Variants in ZFHX3 observed in about 807,000 individuals in gnomAD.
The protein encoded by ZFHX3 is zinc finger homeobox protein 3.
In ZFHX3, 42 loss-of-function variants were observed where a neutral mutation model predicts 279.1. The observed-to-expected ratio is 0.15, with a 90% confidence interval of 0.12 to 0.19. ZFHX3 has a LOEUF of 0.19. Among genes scored for constraint, ZFHX3 ranks in the 10% least tolerant of loss-of-function variants. The probability of loss-of-function intolerance (pLI) is 1.00; values close to 1 mark genes in which losing one functional copy is unlikely to be tolerated. For synonymous variants in ZFHX3, 2,293 were observed against 1,957.8 expected (o/e 1.17, Z -4.52); for missense variants, 4,981 against 4,754.0 (o/e 1.05, Z -1.40).
chr16:73,657,577 T>G (rs2052735859), intron 2 of ZFHX3, among the ~76,000 whole-genome samples: 1 of 152,166 alleles, frequency 6.6e-6, no homozygotes, highest in African/African-American at 2.4e-5. Context: ...CCTAGTACCC[T>G]TTAGCAATCA....
intron 7 of ZFHX3, chr16:73,127,577 G>A (rs373172766): frequency 1.5e-6 from 2 of 1,304,926 alleles, no homozygotes; most frequent in Admixed American, 4.6e-5. Context: ...GGGCACTTGA[G>A]GACAGCCACT....
intron 7 of ZFHX3, among the ~76,000 whole-genome samples, chr16:73,119,793 T>C (rs966651709): frequency 6.6e-6 from 1 of 152,218 alleles, no homozygotes; most frequent in Admixed American, 6.5e-5. Context: ...AGTGGCTGGC[T>C]TCAGCCTCCT....
intron 7 of ZFHX3, among the ~76,000 whole-genome samples, chr16:72,802,264 A>G (rs2036125204): frequency 1.3e-5 from 2 of 152,056 alleles, no homozygotes; most frequent in African/African-American, 4.8e-5. Flanking sequence ...TCAAGTGTGA[A>G]TGACGGCAAA....
chr16:73,615,238 A>G (rs903007235), intron 2 of ZFHX3, among the ~76,000 whole-genome samples: 1 of 152,030 alleles, frequency 6.6e-6, no homozygotes. Context: ...AGGCAAATGA[A>G]CCATGCATGT....
chr16:73,748,597 C>A (rs1189800421), intron 1 of ZFHX3, among the ~76,000 whole-genome samples: 4 of 152,124 alleles, frequency 2.6e-5, no homozygotes, highest in African/African-American at 9.7e-5. Context: ...ACGTCTCTAC[C>A]TATACCTCTT....
rs887920447 is a variant in ZFHX3, at chr16:73,104,654, T to A, written c.-896-11056A>T. On this transcript the variant is annotated intron_variant, in intron 7 of 17. Transcript: ENST00000641206. The stretch of plus-strand genomic sequence containing the variant: ...CTGGTTCATAGTTCACAGGCTTAGC[T>A]GTACAAGCGTAATGGGAACACACAG... Among the ~76,000 whole-genome samples the A allele has an allele frequency of 3.3e-4, 51 of 152,320 alleles. 1 individual carries two copies. Among genetic ancestry groups the A allele is most frequent in the Non-Finnish European group, 8.8e-5 (6 of 68,042 alleles).
At chr16:73,812,193 T>C (rs1360618081) in intron 1 of ZFHX3, among the ~76,000 whole-genome samples, 1 of 152,084 alleles carries the variant, frequency 6.6e-6, no homozygotes, top group Non-Finnish European at 1.5e-5. Context: ...TAGGTACGAA[T>C]TTCCCATCAC....
At chr16:73,021,921 T>C (rs1207186415) in intron 1 of ZFHX3, among the ~76,000 whole-genome samples, 1 of 151,010 alleles carries the variant, frequency 6.6e-6, no homozygotes, top group Non-Finnish European at 1.5e-5. Context: ...CAGCCACGTG[T>C]AGACGGGAGG....
chr16:73,229,024 T>C (rs961777280), intron 5 of ZFHX3, among the ~76,000 whole-genome samples: 3 of 152,174 alleles, frequency 2.0e-5, no homozygotes, highest in Non-Finnish European at 4.4e-5. Flanking sequence ...ATATACTCAA[T>C]ATGTTCAGGA....
At chr16:73,461,065 T>G (rs1247669354) in intron 2 of ZFHX3, among the ~76,000 whole-genome samples, 2 of 152,238 alleles carry the variant, frequency 1.3e-5, no homozygotes, top group African/African-American at 4.8e-5. Context: ...TGCCAGAATT[T>G]GGCATTGTCA....
At chr16:72,955,697 G>A (rs949324222) in intron 2 of ZFHX3, among the ~76,000 whole-genome samples, 1 of 141,810 alleles carries the variant, frequency 7.1e-6, no homozygotes, top group African/African-American at 2.6e-5. Flanking sequence ...AGAATCGCTT[G>A]AACACAGGAG....
intron 2 of ZFHX3, among the ~76,000 whole-genome samples, chr16:73,671,704 G>A (rs771423988): frequency 5.9e-5 from 9 of 152,174 alleles, no homozygotes; most frequent in South Asian, 2.1e-4. Flanking sequence ...AACACACTCC[G>A]ATGTCACAGG....
At chr16:72,843,742 G>C (rs986372183) in intron 4 of ZFHX3, among the ~76,000 whole-genome samples, 5 of 152,102 alleles carry the variant, frequency 3.3e-5, no homozygotes, top group Admixed American at 1.3e-4. Context: ...GTGATGTTGA[G>C]GCAGGTGGAT....
intron 1 of ZFHX3, among the ~76,000 whole-genome samples, chr16:73,016,507 T>C (rs529175198): frequency 1.3e-5 from 2 of 152,268 alleles, no homozygotes; most frequent in South Asian, 4.2e-4. Flanking sequence ...AAAACTGGTT[T>C]CTAGTTTGCC....
intron 3 of ZFHX3, among the ~76,000 whole-genome samples, chr16:73,386,534 T>G (rs550254963): frequency 6.6e-6 from 1 of 152,276 alleles, no homozygotes; most frequent in East Asian, 1.9e-4. Context: ...ACATTAATAT[T>G]GTTTTAGCCT....
chr16:72,827,909 C>T (rs1373699786), intron 5 of ZFHX3, among the ~76,000 whole-genome samples: 1 of 152,208 alleles, frequency 6.6e-6, no homozygotes. Flanking sequence ...CTCTCTGTGT[C>T]TCCCAGGAAA....
At chr16:73,515,959 T>C (rs2019514239) in intron 2 of ZFHX3, among the ~76,000 whole-genome samples, 1 of 152,216 alleles carries the variant, frequency 6.6e-6, no homozygotes, top group Non-Finnish European at 1.5e-5. Flanking sequence ...CCATTGGTCA[T>C]TGCCATTCAT....
At chr16:72,987,739 G>A (rs1379931359) in intron 1 of ZFHX3, among the ~76,000 whole-genome samples, 2 of 152,190 alleles carry the variant, frequency 1.3e-5, no homozygotes, top group African/African-American at 2.4e-5. Flanking sequence ...TGGCTGGAAG[G>A]GATGCACCAG....
intron 3 of ZFHX3, chr16:73,400,913 G>A (rs2017237449): frequency 6.6e-6 from 1 of 152,220 alleles, no homozygotes; most frequent in Admixed American, 6.5e-5. Flanking sequence ...CAGGCCTGCT[G>A]GTGTTTGGCT....
Sources: gnomAD v4.1 joint callset for allele counts (sites outside exome capture counted in the v4.1 genomes callset) on GRCh38, gnomAD v4.1.1 for gene constraint, MANE v1.5 for transcripts, NCBI Gene and HGNC (gene_info 2026-07-23, HGNC 2026-07-21) for gene names.